The following NAALADL2 variants were observed in gnomAD, a reference collection of about 807,000 sequenced individuals.
NAALADL2 encodes N-acetylated alpha-linked acidic dipeptidase like 2, also known as inactive N-acetylated-alpha-linked acidic dipeptidase-like protein 2.
A neutral mutation model predicts 87.2 loss-of-function variants in NAALADL2; 76 were observed. That is an observed-to-expected ratio of 0.87 (90% CI 0.72 to 1.05). The LOEUF (loss-of-function observed/expected upper bound fraction) is 1.05, where lower values mean the gene tolerates loss of function less well. Among genes scored for constraint, NAALADL2 ranks in the 50% least tolerant of loss-of-function variants. The probability of loss-of-function intolerance (pLI) is 0.00; values close to 1 mark genes in which losing one functional copy is unlikely to be tolerated. For synonymous variants in NAALADL2, 354 were observed against 331.0 expected (o/e 1.07, Z -0.75); for missense variants, 1,089 against 945.8 (o/e 1.15, Z -1.99).
At chr3:175,562,098 G>A (rs79876647) in intron 9 of NAALADL2, among the ~76,000 whole-genome samples, 259 of 152,248 alleles carry the variant, frequency 1.7e-3, no homozygotes, top group Middle Eastern at 3.4e-3. Flanking sequence ...TTCAGTTCCC[G>A]ATGTGGGTGG....
At chr3:174,903,987 C>A (rs917547701) in intron 1 of NAALADL2, among the ~76,000 whole-genome samples, 14 of 151,248 alleles carry the variant, frequency 9.3e-5, no homozygotes, top group African/African-American at 3.2e-4. Flanking sequence ...ATATCTATTT[C>A]TATATCTATA....
At chr3:174,783,610 G>A (rs1460041049) in intron 3 of NAALADL2, among the ~76,000 whole-genome samples, 1 of 152,040 alleles carries the variant, frequency 6.6e-6, no homozygotes, top group African/African-American at 2.4e-5. Flanking sequence ...TTCTCCACAA[G>A]GCTTTAATAT....
intron 1 of NAALADL2, among the ~76,000 whole-genome samples, chr3:174,976,129 A>T (rs924628403): frequency 1.3e-5 from 2 of 152,218 alleles, no homozygotes; most frequent in African/African-American, 4.8e-5. Context: ...AATTTGATTC[A>T]TTATTTTACA....
chr3:175,761,489 T>C (rs1298330716), intron 13 of NAALADL2, among the ~76,000 whole-genome samples: 1 of 152,244 alleles, frequency 6.6e-6, no homozygotes, highest in Non-Finnish European at 1.5e-5. Flanking sequence ...TTTGTGGACA[T>C]ACATTTCAAT....
chr3:175,684,907 A>G (rs16826149), intron 11 of NAALADL2, among the ~76,000 whole-genome samples: 3,270 of 152,350 alleles, frequency 0.021, 45 homozygotes, highest in Admixed American at 0.046. Flanking sequence ...GTACTACACT[A>G]TAGATTTTTG....
intron 2 of NAALADL2, among the ~76,000 whole-genome samples, chr3:174,711,515 A>T (rs1730631719): frequency 6.6e-6 from 1 of 152,222 alleles, no homozygotes; most frequent in Admixed American, 6.5e-5. Flanking sequence ...TTTATTTCAA[A>T]TACTTGGCTC....
In NAALADL2 at chr3:175,723,211, G is replaced by A. The variant is rs73171448; in HGVS notation, c.1897-14095G>A. On this transcript the variant is annotated intron_variant, in intron 11 of 13. Coordinates refer to ENST00000454872, the MANE Select transcript of NAALADL2 (RefSeq NM_207015.3). Reference sequence around the variant, plus strand: ...CTGGCTAAAATCCACTTCAGGTTCCGGAAAATAGTCACAATAATAAGCTCT... The same window carrying A: ...CTGGCTAAAATCCACTTCAGGTTCCAGAAAATAGTCACAATAATAAGCTCT... Among the ~76,000 whole-genome samples the A allele has an allele frequency of 3.2e-3, 483 of 152,154 alleles. 2 individuals carry two copies. The highest frequency in any genetic ancestry group is 5.0e-3 in the Non-Finnish European group (341 of 67,994).
At chr3:174,992,770 A>G (rs1250404850) in intron 1 of NAALADL2, among the ~76,000 whole-genome samples, 3 of 152,160 alleles carry the variant, frequency 2.0e-5, no homozygotes, top group South Asian at 2.1e-4. Context: ...TGAATATACT[A>G]TTAGTCAATT....
chr3:175,587,561 C>T (rs1471580272), intron 10 of NAALADL2, among the ~76,000 whole-genome samples: 1 of 152,000 alleles, frequency 6.6e-6, no homozygotes, highest in Non-Finnish European at 1.5e-5. Flanking sequence ...CAAATTAAAA[C>T]ACTGTTAAAT....
At chr3:175,701,699 T>A (rs1739024488) in intron 11 of NAALADL2, among the ~76,000 whole-genome samples, 1 of 152,130 alleles carries the variant, frequency 6.6e-6, no homozygotes, top group Non-Finnish European at 1.5e-5. Flanking sequence ...ATCATGACTG[T>A]GCTTGTTTGT....
chr3:174,590,722 C>G (rs1171662068), intron 2 of NAALADL2, among the ~76,000 whole-genome samples: 1 of 152,060 alleles, frequency 6.6e-6, no homozygotes, highest in Non-Finnish European at 1.5e-5. Context: ...ACCTCAATGT[C>G]TTAATCAGTA....
At chr3:175,408,299 A>T (rs1179121642) in intron 5 of NAALADL2, among the ~76,000 whole-genome samples, 1 of 152,094 alleles carries the variant, frequency 6.6e-6, no homozygotes, top group Admixed American at 6.5e-5. Flanking sequence ...GGACAAAAAA[A>T]GTTAGTGAGG....
rs377202692 is a variant in NAALADL2, at chr3:175,599,611, GGCTTCTTCA to G, written c.1800+23425_1800+23433del. On this transcript the variant is annotated intron_variant, in intron 10 of 13. Coordinates refer to ENST00000454872, the MANE Select transcript of NAALADL2 (RefSeq NM_207015.3). ...TATATTCTATTTGTGTTAACATTCA[GGCTTCTTCA>G]TCCTCACTGTAGTTTCTTTTTTCCC... Among the ~76,000 whole-genome samples, 711 of 152,114 alleles carry G rather than the reference GGCTTCTTCA, an allele frequency of 4.7e-3. 2 individuals are homozygous for G. Among genetic ancestry groups the G allele is most frequent in the Middle Eastern group, 0.014 (4 of 294 alleles).
intron 3 of NAALADL2, among the ~76,000 whole-genome samples, chr3:174,781,111 C>G (rs957989708): frequency 6.6e-6 from 1 of 152,066 alleles, no homozygotes; most frequent in Non-Finnish European, 1.5e-5. Context: ...TTGGCCCCCA[C>G]TCTCTTCTGG....
At chr3:175,209,706 G>GATAT (rs145591532) in intron 2 of NAALADL2, among the ~76,000 whole-genome samples, 2 of 149,438 alleles carry the variant, frequency 1.3e-5, no homozygotes, top group Admixed American at 6.7e-5. Flanking sequence ...AGTTATTTTG[G>GATAT]ATATATATAT....
intron 3 of NAALADL2, among the ~76,000 whole-genome samples, chr3:174,829,031 C>T (rs1423390427): frequency 6.6e-6 from 1 of 151,804 alleles, no homozygotes; most frequent in Non-Finnish European, 1.5e-5. Context: ...ATGATCAGGC[C>T]CTGAGTTACA....
chr3:174,697,782 T>C (rs1344416573), intron 2 of NAALADL2, among the ~76,000 whole-genome samples: 1 of 152,166 alleles, frequency 6.6e-6, no homozygotes, highest in Non-Finnish European at 1.5e-5. Context: ...AAAGCTCTTA[T>C]ATACCCATAA....
chr3:175,307,240 T>G (rs919632278), intron 4 of NAALADL2, among the ~76,000 whole-genome samples: 2 of 152,062 alleles, frequency 1.3e-5, no homozygotes, highest in Admixed American at 6.5e-5. Flanking sequence ...CTGGAGTAGT[T>G]GTGACAATTA....
rs142350537 is a variant in NAALADL2 at position 175,582,097 on chromosome 3, C to A, written c.1800+5910C>A. 1.8e-4 allele frequency among the ~76,000 whole-genome samples: 28 copies of A among 152,084 alleles called. No homozygotes were observed. In the East Asian group the frequency reaches 5.0e-3, roughly 27 times the overall value. On this transcript the variant is annotated intron_variant, in intron 10 of 13. Transcript: ENST00000454872. ...AACAAATCAACAGTTATAGAGCAGA[C>A]TTGAAAACCTTGATTGTACAGTATA...
Sources: allele counts gnomAD v4.1 joint callset (sites outside exome capture counted in the v4.1 genomes callset), GRCh38; gene constraint gnomAD v4.1.1; transcripts MANE v1.5; gene names NCBI Gene and HGNC (gene_info 2026-07-23, HGNC 2026-07-21).